MGAT5: variants seen among roughly 807,000 people sequenced by gnomAD.
MGAT5 encodes the protein alpha-1,6-mannosylglycoprotein 6-beta-N-acetylglucosaminyltransferase A.
In MGAT5, 30 loss-of-function variants were observed where a neutral mutation model predicts 94.3. That is an observed-to-expected ratio of 0.32 (90% CI 0.24 to 0.43). The LOEUF (loss-of-function observed/expected upper bound fraction) is 0.43. Among genes scored for constraint, MGAT5 ranks in the 20% least tolerant of loss-of-function variants. The probability of loss-of-function intolerance (pLI) is 1.00; values close to 1 mark genes in which losing one functional copy is unlikely to be tolerated. For missense variants in MGAT5, 691 were observed against 905.5 expected (o/e 0.76, Z 3.04); for synonymous variants, 310 against 322.9 (o/e 0.96, Z 0.43).
At chr2:134,397,864 T>G (rs1682809241) in intron 10 of MGAT5, among the ~76,000 whole-genome samples, 1 of 152,238 alleles carries the variant, frequency 6.6e-6, no homozygotes, top group African/African-American at 2.4e-5. Context: ...CTTCATTCTG[T>G]GCAGTTGACA....
At chr2:134,384,453 C>T (rs1378051243) in intron 10 of MGAT5, among the ~76,000 whole-genome samples, 1 of 152,182 alleles carries the variant, frequency 6.6e-6, no homozygotes, top group African/African-American at 2.4e-5. Context: ...AGCCAATCCC[C>T]TTTGTACATA....
intron 1 of MGAT5, among the ~76,000 whole-genome samples, chr2:134,191,226 G>A (rs888205892): frequency 2.6e-5 from 4 of 152,234 alleles, no homozygotes; most frequent in Non-Finnish European, 2.9e-5. Context: ...ACAATAAAAC[G>A]TACACGACAA....
At position 134,428,436 on chromosome 2, in the gene MGAT5, A is replaced by G; in HGVS notation, c.1866A>G (p.Lys622=). The G allele has an allele frequency of 6.2e-7, 1 of 1,613,626 alleles. No individual in the cohort carries two copies. Among genetic ancestry groups the G allele is most frequent in the East Asian group, 2.2e-5 (1 of 44,870 alleles). The part of the protein sequence containing the change: ...MLQRINAFIE[K]QDFCHGQVMW... ...AGAGAATCAATGCTTTCATTGAAAA[A>G]CAGGTAAGGCTTATCAGAAGTCAGT... is the stretch of plus-strand genomic sequence containing the variant. The change falls in exon 14 of 16, where the codon AAA becomes AAG. Residue 622 remains lysine (K), a synonymous_variant. Coordinates refer to ENST00000281923, the MANE Select transcript of MGAT5 (RefSeq NM_002410.5).
intron 12 of MGAT5, among the ~76,000 whole-genome samples, chr2:134,421,220 A>G (rs901470153): frequency 6.6e-6 from 1 of 152,222 alleles, no homozygotes; most frequent in Non-Finnish European, 1.5e-5. Context: ...GATAAAACAG[A>G]GCAGAGACAT....
chr2:134,331,370 G>C (rs977756775), intron 4 of MGAT5, among the ~76,000 whole-genome samples: 7 of 152,118 alleles, frequency 4.6e-5, no homozygotes, highest in African/African-American at 1.7e-4. Flanking sequence ...TTTGTGGCCT[G>C]AGGCTAGTGA....
At chr2:134,155,932 G>T (rs1056560926) in intron 1 of MGAT5, among the ~76,000 whole-genome samples, 4 of 152,026 alleles carry the variant, frequency 2.6e-5, no homozygotes. Context: ...GCTGAGAGCA[G>T]ATCCCCATTA....
At chr2:134,446,235 G>A (rs963777134) in intron 15 of MGAT5, among the ~76,000 whole-genome samples, 2 of 152,066 alleles carry the variant, frequency 1.3e-5, no homozygotes, top group Non-Finnish European at 2.9e-5. Flanking sequence ...ACACGCTCAT[G>A]TGTGCTTCTA....
At chr2:134,183,375 G>A (rs886691454) in intron 1 of MGAT5, among the ~76,000 whole-genome samples, 1 of 152,188 alleles carries the variant, frequency 6.6e-6, no homozygotes, top group African/African-American at 2.4e-5. Context: ...GTTCATGTAT[G>A]GATTGACGCA....
intron 2 of MGAT5, among the ~76,000 whole-genome samples, chr2:134,295,764 T>G (rs148904825): frequency 2.0e-4 from 31 of 152,294 alleles, no homozygotes; most frequent in African/African-American, 7.5e-4. Context: ...AAGCTTGAAT[T>G]ATACCAAGTT....
At chr2:134,156,304 G>C (rs1687478126) in intron 1 of MGAT5, among the ~76,000 whole-genome samples, 1 of 152,204 alleles carries the variant, frequency 6.6e-6, no homozygotes, top group Non-Finnish European at 1.5e-5. Context: ...GTGCCAAAAA[G>C]GAAATGAAGG....
chr2:134,253,360 G>T (rs1277343210), upstream of MGAT5: 1 of 152,372 alleles, frequency 6.6e-6, no homozygotes, highest in Non-Finnish European at 1.5e-5. Context: ...GGCTGAAGGG[G>T]TGGGCATGCT....
intron 2 of MGAT5, among the ~76,000 whole-genome samples, chr2:134,307,747 G>C (rs1686418854): frequency 6.6e-6 from 1 of 152,064 alleles, no homozygotes. Flanking sequence ...TTGCTGTCCT[G>C]GTAAAACACT....
intron 1 of MGAT5, among the ~76,000 whole-genome samples, chr2:134,264,157 G>A (rs993300055): frequency 2.6e-5 from 4 of 151,460 alleles, no homozygotes; most frequent in Non-Finnish European, 4.4e-5. Context: ...TTAGTAGCTG[G>A]GATTACAGGC....
At chr2:134,209,152 A>ATTTTTTTTTT (rs869116395) in intron 1 of MGAT5, among the ~76,000 whole-genome samples, 2 of 20,780 alleles carry the variant, frequency 9.6e-5, no homozygotes, top group Non-Finnish European at 1.3e-4. Flanking sequence ...TTTTTTTTTT[A>ATTTTTTTTTT]TTTTTTTTTT....
intron 1 of MGAT5, among the ~76,000 whole-genome samples, chr2:134,135,146 T>G (rs1686346276): frequency 6.6e-6 from 1 of 152,174 alleles, no homozygotes; most frequent in Non-Finnish European, 1.5e-5. Context: ...TTGTCATAAA[T>G]TACTTTCCTT....
rs912718753 is a variant in MGAT5 at position 134,224,515 on chromosome 2, G to A, written c.-142-29747G>A. On this transcript the variant is annotated intron_variant, in intron 1 of 16. Coordinates refer to the MGAT5 transcript ENST00000409645. ...GTGGCCCCCAAATATTAGGATCTCC[G>A]GCCTGGGTTATTTAGAAAGCCCTTG... Among the ~76,000 whole-genome samples the A allele has an allele frequency of 5.9e-5, 9 of 152,202 alleles. No individual in the cohort carries two copies. In the South Asian group the frequency reaches 8.3e-4, roughly 14 times the overall value.
intron 12 of MGAT5, among the ~76,000 whole-genome samples, chr2:134,422,128 C>T (rs55957038): frequency 0.1 from 15,777 of 151,936 alleles, 1,161 homozygotes; most frequent in African/African-American, 0.2. Flanking sequence ...CAGTGAACTA[C>T]GACTGGGCAA....
At chr2:134,121,402 A>T (rs1237467205) in intron 1 of MGAT5, among the ~76,000 whole-genome samples, 1 of 152,202 alleles carries the variant, frequency 6.6e-6, no homozygotes, top group Non-Finnish European at 1.5e-5. Context: ...TCACACACAA[A>T]GCCGCGGTTT....
intron 1 of MGAT5, among the ~76,000 whole-genome samples, chr2:134,124,080 C>G (rs1216893410): frequency 6.6e-6 from 1 of 152,176 alleles, no homozygotes; most frequent in African/African-American, 2.4e-5. Flanking sequence ...GAGCATTTTT[C>G]CAGCATCTGC....
Sources: gnomAD v4.1 joint callset for allele counts (sites outside exome capture counted in the v4.1 genomes callset) on GRCh38, gnomAD v4.1.1 for gene constraint, MANE v1.5 for transcripts, NCBI Gene and HGNC (gene_info 2026-07-23, HGNC 2026-07-21) for gene names.